The following MEI1 variants were observed in gnomAD, a reference collection of about 807,000 sequenced individuals.
MEI1 encodes meiotic double-stranded break formation protein 1.
MEI1 carries 103 observed loss-of-function variants against 146.2 expected under a neutral mutation model. The ratio of observed to expected loss-of-function variants is 0.70; its 90% confidence interval spans 0.60 to 0.83. The LOEUF (loss-of-function observed/expected upper bound fraction) is 0.83, where lower values mean the gene tolerates loss of function less well. Ranked by LOEUF, MEI1 falls within the 40% of genes least tolerant of loss-of-function variation. The probability of loss-of-function intolerance (pLI) is 0.00; values close to 1 mark genes in which losing one functional copy is unlikely to be tolerated. For synonymous variants in MEI1, 652 were observed against 628.2 expected (o/e 1.04, Z -0.57); for missense variants, 1,529 against 1,533.0 (o/e 1.00, Z 0.04).
chr22:41,709,522 T>C lies in MEI1; in HGVS notation c.349+3968T>C, dbSNP rs950329261. 1.7e-5 allele frequency: 10 copies of C among 582,018 alleles called. No individual in the cohort carries two copies. The African/African-American group carries it at 1.9e-4, about 11-fold the overall frequency. The allele number at this position is 582,018 out of a possible 1,614,324, so 36.1% of individuals were successfully genotyped here. On this transcript the variant is annotated intron_variant, in intron 3 of 30. Transcript: ENST00000401548. ...AGCGACGGCAGCGGGATGTAGGTGC[T>C]GTGCGCGGGATGCAGCGGCACACGG...
At chr22:41,776,711 A>C (rs1264302405) in intron 21 of MEI1, among the ~76,000 whole-genome samples, 1 of 152,206 alleles carries the variant, frequency 6.6e-6, no homozygotes, top group East Asian at 1.9e-4. Flanking sequence ...AATGGTACTC[A>C]CTGGAGTCAA....
rs201845294 is a variant in MEI1, at chr22:41,714,062, A to C, written c.410A>C (p.Glu137Ala). Residue 137 changes from glutamate (E) to alanine (A), a missense_variant, in exon 4 of 31, where the codon GAG becomes GCG. Around this residue, in one of 3 missense-constraint regions of MEI1, gnomAD observed 1,212 missense variants for 1,178.9 expected, o/e 1.03. Coordinates refer to ENST00000401548, the MANE Select transcript of MEI1 (RefSeq NM_152513.4). Reference protein sequence around the residue: ...LEQTIRCLLDECHKELCNMPS... With the variant: ...LEQTIRCLLDACHKELCNMPS... ...CAGACTATCCGTTGCCTGCTGGATG[A>C]GTGCCACAAAGAGGTCAGAAAATAG... The C allele has an allele frequency of 2.0e-4, 317 of 1,598,816 alleles. No homozygotes were observed. Among genetic ancestry groups the C allele is most frequent in the Non-Finnish European group, 2.4e-4 (280 of 1,172,696 alleles).
In MEI1 at chr22:41,793,882, C is replaced by G. The variant is rs752277984; in HGVS notation, c.3399C>G (p.Asp1133Glu). The G allele has an allele frequency of 2.5e-6, 4 of 1,612,494 alleles. No homozygotes were observed. In the South Asian group the frequency reaches 4.4e-5, roughly 18 times the overall value. Residue 1133 changes from aspartate (D) to glutamate (E), a missense_variant, in exon 27 of 31, where the codon GAC (aspartate) becomes GAG (glutamate). This residue lies in a region of MEI1 where 313 missense variants were observed against 337.3 expected (regional missense o/e 0.93). Transcript: ENST00000401548. The part of the protein sequence containing the change: ...ACVGCLEALL[D>E]YLDARSPDIA... ...TTGGCTGCCTGGAGGCCTTGCTTGACTACCTGGATGCCCGGAGCCCAGACA... is the reference window on the plus strand; with the variant it reads ...TTGGCTGCCTGGAGGCCTTGCTTGAGTACCTGGATGCCCGGAGCCCAGACA...
At chr22:41,776,497 A>G (rs1198602153) in intron 21 of MEI1, among the ~76,000 whole-genome samples, 2 of 152,150 alleles carry the variant, frequency 1.3e-5, no homozygotes, top group Admixed American at 6.5e-5. Flanking sequence ...GATGTGTTTG[A>G]TGTGTGCATG....
At chr22:41,789,178 G>C (rs747916054) in intron 26 of MEI1, among the ~76,000 whole-genome samples, 1 of 152,078 alleles carries the variant, frequency 6.6e-6, no homozygotes, top group Non-Finnish European at 1.5e-5. Context: ...CGGGCGTGGT[G>C]GCGCGCACCT....
In MEI1 at chr22:41,795,725, C is replaced by T; in HGVS notation, c.3667-10C>T. 6.2e-7 allele frequency: 1 copy of T among 1,612,478 alleles called. No individual in the cohort carries two copies. Among genetic ancestry groups the T allele is most frequent in the Non-Finnish European group, 8.5e-7 (1 of 1,179,134 alleles). On this transcript the variant is annotated splice_polypyrimidine_tract_variant and intron_variant, in intron 29 of 30. Transcript: ENST00000401548. This position sits in a 1 kb window ranked among gnomAD's most constrained non-coding sequence, Gnocchi z 4.2. ...GGAGGCCTGTCTTCCCTGCCCTCTT[C>T]TCCCTGCAGCTCCAGAGCATGGGAC...
intron 30 of MEI1, among the ~76,000 whole-genome samples, chr22:41,797,007 A>AT (rs1206618114): frequency 1.3e-5 from 2 of 151,928 alleles, no homozygotes; most frequent in Admixed American, 6.6e-5. Context: ...CTTTTTATTT[A>AT]TTTTTTTTAA....
At chr22:41,721,993 A>G (rs1378008362) in intron 6 of MEI1, 1 of 150,464 alleles carries the variant, frequency 6.6e-6, no homozygotes, top group Non-Finnish European at 1.5e-5. Context: ...TGTTGGGATT[A>G]CAGGCGTGAG....
At chr22:41,798,784 C>G (rs1004863043) in intron 30 of MEI1, among the ~76,000 whole-genome samples, 2 of 151,262 alleles carry the variant, frequency 1.3e-5, no homozygotes, top group Non-Finnish European at 2.9e-5. Context: ...AGGACAATCA[C>G]TTGAACCTGG....
At chr22:41,727,072 C>CT (rs964520301) in intron 7 of MEI1, among the ~76,000 whole-genome samples, 49 of 149,976 alleles carry the variant, frequency 3.3e-4, no homozygotes, top group Admixed American at 4.7e-4. Flanking sequence ...GAAAATCTGG[C>CT]TTTTTTTTTT....
intron 12 of MEI1, among the ~76,000 whole-genome samples, chr22:41,744,346 G>C (rs2073119095): frequency 6.6e-6 from 1 of 151,728 alleles, no homozygotes; most frequent in Non-Finnish European, 1.5e-5. Flanking sequence ...AATTTTTTTT[G>C]TATTTTTAGT....
chr22:41,715,122 G>A (rs1372482103), intron 4 of MEI1, among the ~76,000 whole-genome samples: 1 of 152,068 alleles, frequency 6.6e-6, no homozygotes, highest in Non-Finnish European at 1.5e-5. Context: ...ATGAGATGAT[G>A]CCACTTAACA....
At chr22:41,746,986 A>AT (rs1220401353) in intron 14 of MEI1, among the ~76,000 whole-genome samples, 1 of 151,932 alleles carries the variant, frequency 6.6e-6, no homozygotes, top group Non-Finnish European at 1.5e-5. Flanking sequence ...GAATTATTGT[A>AT]TTAGTCCTTC....
chr22:41,758,518 A>G lies in MEI1; in HGVS notation c.2105A>G (p.Tyr702Cys), dbSNP rs2074242688. Residue 702 changes from tyrosine (Y) to cysteine (C), a missense_variant, in exon 18 of 31, where the codon TAC becomes TGC. This residue lies in a region of MEI1 where 1,212 missense variants were observed against 1,178.9 expected (regional missense o/e 1.03). Transcript: ENST00000401548. ...YCILLLFYLAYIHEDRFVSEA... is the reference protein window; with the variant it reads ...YCILLLFYLACIHEDRFVSEA... ...ATCCTGCTCCTCTTCTACTTGGCCT[A>G]CATCCATGAAGACAGGTCAGTGCAC... is the stretch of plus-strand genomic sequence containing the variant. 1 of 1,613,016 alleles carries G rather than the reference A, an allele frequency of 6.2e-7. No homozygotes were observed. The highest frequency in any genetic ancestry group is 8.5e-7 in the Non-Finnish European group (1 of 1,179,358).
At position 41,776,185 on chromosome 22, in the gene MEI1, C is replaced by T; in HGVS notation, c.2628C>T (p.Ile876=). The T allele has an allele frequency of 6.2e-7, 1 of 1,613,974 alleles. No individual in the cohort carries two copies. The highest frequency in any genetic ancestry group is 1.1e-5 in the South Asian group (1 of 91,084). ...LRTFLRRNED[I]QVGGLIRGHF... is the part of the protein sequence containing the mutation. ...CCTTCCTGAGGAGGAATGAGGATATCCAAGTGGGCGGTCTTATCCGAGGCC... is the reference window on the plus strand; with the variant it reads ...CCTTCCTGAGGAGGAATGAGGATATTCAAGTGGGCGGTCTTATCCGAGGCC... Residue 876 remains isoleucine, a synonymous_variant, in exon 21 of 31, where the codon ATC becomes ATT. Transcript: ENST00000401548.
intron 18 of MEI1, among the ~76,000 whole-genome samples, chr22:41,761,731 C>G (rs8138931): frequency 0.08 from 12,214 of 152,256 alleles, 1,351 homozygotes; most frequent in African/African-American, 0.25. Flanking sequence ...TGCACAACCA[C>G]CACCTTCATC....
At chr22:41,732,149 A>G (rs2071920213) in intron 9 of MEI1, 96 bp from the exon 10 acceptor site, 1 of 958,380 alleles carries the variant, frequency 1.0e-6, no homozygotes. Context: ...CCTCCAACTC[A>G]TACATGCTGT....
At chr22:41,734,424 C>A (rs1379711186) in intron 11 of MEI1, among the ~76,000 whole-genome samples, 1 of 152,042 alleles carries the variant, frequency 6.6e-6, no homozygotes, top group Non-Finnish European at 1.5e-5. Flanking sequence ...GAAACCCTGT[C>A]TCTACTAAAA....
Position 41,763,438 on chromosome 22 carries a change from G to A in MEI1, c.2268+117G>A, listed in dbSNP as rs186726479. On this transcript the variant is annotated intron_variant, in intron 19 of 30. Transcript: ENST00000401548. ...AGCGGGTGGTAGAGAGAGACAAAGC[G>A]GAGGTGTTAGGAGTGTGGAGAGGAG... is the stretch of plus-strand genomic sequence containing the variant. 492 of 1,113,998 alleles carry A rather than the reference G, an allele frequency of 4.4e-4. No homozygotes were observed. The African/African-American group carries it at 6.0e-3, about 14-fold the overall frequency. 69.0% of individuals were successfully genotyped at this position (1,113,998 alleles called of 1,614,324 possible).
Sources: gnomAD v4.1 joint callset for allele counts (sites outside exome capture counted in the v4.1 genomes callset) on GRCh38, gnomAD v4.1.1 for gene constraint, gnomAD v4.1.1 regional missense constraint, Gnocchi (gnomAD v3.1) non-coding constraint, MANE v1.5 for transcripts, NCBI Gene and HGNC (gene_info 2026-07-23, HGNC 2026-07-21) for gene names.